The following GOPC variants were observed in gnomAD, a reference collection of about 807,000 sequenced individuals.
GOPC encodes Golgi-associated PDZ and coiled-coil motif-containing protein.
Under a neutral mutation model 51.2 loss-of-function variants are expected in GOPC, and 32 were observed. The observed-to-expected ratio is 0.63, with a 90% confidence interval of 0.47 to 0.84. The LOEUF is 0.84. Among genes scored for constraint, GOPC ranks in the 40% least tolerant of loss-of-function variants. The pLI is 0.00. For synonymous variants in GOPC, 190 were observed against 205.1 expected, an observed-to-expected ratio of 0.93 and a Z score of 0.63; for missense variants, 441 against 555.5, an observed-to-expected ratio of 0.79 and a Z score of 2.07.
chr6:117,590,066 G>A (rs562250947), intron 1 of GOPC, among the ~76,000 whole-genome samples: 10 of 152,300 alleles, frequency 6.6e-5, no homozygotes, highest in Non-Finnish European at 1.2e-4. Flanking sequence ...TGAATATAGA[G>A]TCAACAAGAC....
intron 5 of GOPC, among the ~76,000 whole-genome samples, 159 bp from the exon 6 acceptor site, chr6:117,571,114 T>A (rs1370135261): frequency 6.6e-6 from 1 of 152,040 alleles, no homozygotes; most frequent in African/African-American, 2.4e-5. Flanking sequence ...AATGGAAAAA[T>A]GAAAATAGCT....
chr6:117,595,361 G>C (rs1380501832), intron 1 of GOPC, among the ~76,000 whole-genome samples: 1 of 152,170 alleles, frequency 6.6e-6, no homozygotes, highest in East Asian at 1.9e-4. Context: ...CAATGGAAAG[G>C]AACTCAGTTG....
Position 117,602,072 on chromosome 6 carries a change from G to A in GOPC, c.217C>T (p.Leu73=). ...TYEGRQKMTS[L]SSCFAQLCHK... ...CAAAGCTGTGCAAAGCAGGAGCTCA[G>A]GCTGGTCATCTTCTGTCGCCCCTCA... Residue 73 remains leucine, a synonymous_variant, in exon 1 of 9, where the codon CTG becomes TTG. Transcript: ENST00000368498. The A allele has an allele frequency of 6.2e-7, 1 of 1,614,172 alleles. No homozygotes were observed. Among genetic ancestry groups the A allele is most frequent in the South Asian group, 1.1e-5 (1 of 91,086 alleles).
intron 7 of GOPC, 113 bp downstream of exon 7, chr6:117,569,459 G>C: frequency 7.3e-7 from 1 of 1,366,236 alleles, no homozygotes; most frequent in Non-Finnish European, 9.9e-7. Context: ...AAGGAAACAA[G>C]AACTATGTGT....
At chr6:117,575,395 C>G (rs772295662) in intron 3 of GOPC, 43 bp from the exon 4 acceptor site, 5 of 1,356,468 alleles carry the variant, frequency 3.7e-6, no homozygotes, top group Non-Finnish European at 5.2e-6. Flanking sequence ...AAAATAAAAA[C>G]TCTTTAGCAC....
chr6:117,570,275 TGA>T (rs1779783434), intron 6 of GOPC, among the ~76,000 whole-genome samples: 1 of 151,074 alleles, frequency 6.6e-6, no homozygotes. Context: ...ATAGATTAGA[TGA>T]GCTTTTTATT....
intron 1 of GOPC, among the ~76,000 whole-genome samples, chr6:117,601,271 T>C (rs1772005444): frequency 1.3e-5 from 2 of 152,152 alleles, no homozygotes; most frequent in African/African-American, 4.8e-5. Context: ...CCACAGCCAC[T>C]CCACCCTCAC....
intron 3 of GOPC, among the ~76,000 whole-genome samples, chr6:117,577,184 C>A (rs1779895373): frequency 6.6e-6 from 1 of 152,030 alleles, no homozygotes; most frequent in African/African-American, 2.4e-5. Context: ...TATGAGCAAG[C>A]TACAAGGCTC....
At chr6:117,586,511 C>T (rs1171476287) in intron 1 of GOPC, among the ~76,000 whole-genome samples, 1 of 124,000 alleles carries the variant, frequency 8.1e-6, no homozygotes, top group Non-Finnish European at 1.6e-5. Context: ...GATGGAGTCT[C>T]GCTGTGTCAC....
chr6:117,590,441 A>G (rs1780099733), intron 1 of GOPC, among the ~76,000 whole-genome samples: 1 of 151,874 alleles, frequency 6.6e-6, no homozygotes, highest in Non-Finnish European at 1.5e-5. Flanking sequence ...GCGTGGTGGT[A>G]TATGGCTGTA....
At chr6:117,568,092 A>C (rs1487703896) in intron 7 of GOPC, among the ~76,000 whole-genome samples, 2 of 151,368 alleles carry the variant, frequency 1.3e-5, no homozygotes, top group Non-Finnish European at 2.9e-5. Flanking sequence ...TTAGCTACTC[A>C]GGGGGCTGAG....
intron 1 of GOPC, among the ~76,000 whole-genome samples, chr6:117,595,311 C>T (rs75782102): frequency 0.036 from 5,419 of 152,250 alleles, 127 homozygotes; most frequent in Non-Finnish European, 0.051. Flanking sequence ...AAAGGGAGTG[C>T]CATAACTGCG....
intron 8 of GOPC, among the ~76,000 whole-genome samples, chr6:117,565,959 C>T (rs921733565): frequency 6.6e-6 from 1 of 152,078 alleles, no homozygotes; most frequent in African/African-American, 2.4e-5. Context: ...CCCATCTCAT[C>T]ACAAAGAATA....
chr6:117,596,047 C>T (rs769901813), intron 1 of GOPC, among the ~76,000 whole-genome samples: 7 of 151,808 alleles, frequency 4.6e-5, no homozygotes, highest in South Asian at 2.1e-4. Flanking sequence ...TCACCACATC[C>T]GTGCCAACAT....
At chr6:117,594,417 C>A (rs145765629) in intron 1 of GOPC, among the ~76,000 whole-genome samples, 2 of 152,262 alleles carry the variant, frequency 1.3e-5, no homozygotes, top group South Asian at 4.1e-4. Flanking sequence ...CTCATTTACT[C>A]TTATGTACCT....
intron 1 of GOPC, among the ~76,000 whole-genome samples, chr6:117,595,465 G>A (rs1314818907): frequency 6.6e-6 from 1 of 152,150 alleles, no homozygotes; most frequent in Admixed American, 6.6e-5. Flanking sequence ...TTATTTAGTG[G>A]TGATTTCTGA....
intron 1 of GOPC, among the ~76,000 whole-genome samples, chr6:117,597,704 C>G (rs1304982371): frequency 6.6e-6 from 1 of 152,074 alleles, no homozygotes; most frequent in East Asian, 1.9e-4. Flanking sequence ...ACATGGATAT[C>G]ATTTGTATTT....
At chr6:117,600,649 TATA>T (rs1326391952) in intron 1 of GOPC, among the ~76,000 whole-genome samples, 2 of 152,074 alleles carry the variant, frequency 1.3e-5, no homozygotes, top group African/African-American at 4.8e-5. Flanking sequence ...TTGAAAAAAA[TATA>T]ATAAGATAAA....
chr6:117,587,261 G>C (rs1049860572), intron 1 of GOPC, among the ~76,000 whole-genome samples: 1 of 152,020 alleles, frequency 6.6e-6, no homozygotes, highest in African/African-American at 2.4e-5. Context: ...CTACAGTCTA[G>C]ACAAGCAAAT....
Sources: allele counts gnomAD v4.1 joint callset (sites outside exome capture counted in the v4.1 genomes callset), GRCh38; gene constraint gnomAD v4.1.1; transcripts MANE v1.5; gene names NCBI Gene and HGNC (gene_info 2026-07-23, HGNC 2026-07-21).